The following ELAVL4 variants were observed in gnomAD, a reference collection of about 807,000 sequenced individuals.
ELAVL4 encodes the protein ELAV like RNA binding protein 4.
Under a neutral mutation model 35.6 loss-of-function variants are expected in ELAVL4, and 1 was observed. The observed-to-expected ratio is 0.03, with a 90% CI of 0.01 to 0.13. The LOEUF (loss-of-function observed/expected upper bound fraction) is 0.13. Ranked by LOEUF, ELAVL4 falls within the 10% of genes least tolerant of loss-of-function variation. The probability of loss-of-function intolerance (pLI) is 1.00; values close to 1 mark genes in which losing one functional copy is unlikely to be tolerated. For missense variants in ELAVL4, 267 were observed against 464.9 expected (o/e 0.57, Z 3.91); for synonymous variants, 156 against 171.0 (o/e 0.91, Z 0.69).
chr1:50,060,885 T>C lies in ELAVL4; in HGVS notation c.18+12703T>C, dbSNP rs183682180. Among the ~76,000 whole-genome samples the C allele has an allele frequency of 3.9e-5, 6 of 152,298 alleles. No individual in the cohort carries two copies. The East Asian group carries it at 1.2e-3, about 29-fold the overall frequency. On this transcript the variant is annotated intron_variant, in intron 1 of 6. Transcript: ENST00000448907. ...AGTGCCTTGTAGCACTCAAGCATGA[T>C]TTACATCCCTCATTCAAGATAATTT...
chr1:50,186,926 C>T (rs1209481841), intron 3 of ELAVL4, among the ~76,000 whole-genome samples: 3 of 152,176 alleles, frequency 2.0e-5, no homozygotes, highest in Non-Finnish European at 4.4e-5. Context: ...GTGAACAGGC[C>T]TACAGCCACA....
upstream of ELAVL4, chr1:50,106,187 A>G: frequency 1.3e-6 from 1 of 756,746 alleles, no homozygotes; most frequent in South Asian, 2.1e-5. Flanking sequence ...AGGCTTCTCC[A>G]CTGCGCGGAG....
intron 3 of ELAVL4, 67 bp from the exon 4 acceptor site, chr1:50,193,698 G>A: frequency 6.5e-7 from 1 of 1,541,986 alleles, no homozygotes; most frequent in Non-Finnish European, 8.8e-7. Flanking sequence ...CATCTTGGTT[G>A]TGGACTCAGC....
intron 1 of ELAVL4, among the ~76,000 whole-genome samples, chr1:50,058,455 C>G (rs1663792024): frequency 6.6e-6 from 1 of 151,878 alleles, no homozygotes; most frequent in African/African-American, 2.4e-5. Context: ...TCTATAGCAC[C>G]CTTTCACTTT....
At chr1:50,155,221 T>A (rs571497163) in intron 2 of ELAVL4, among the ~76,000 whole-genome samples, 20 of 132,312 alleles carry the variant, frequency 1.5e-4, no homozygotes, top group African/African-American at 5.8e-4. Flanking sequence ...CCCCTTCCTG[T>A]GTCCATGTGT....
chr1:50,179,183 C>G (rs1429118484), intron 3 of ELAVL4, among the ~76,000 whole-genome samples: 1 of 152,086 alleles, frequency 6.6e-6, no homozygotes, highest in Non-Finnish European at 1.5e-5. Flanking sequence ...CCTCACCCAC[C>G]CTGTATCAAA....
intron 1 of ELAVL4, among the ~76,000 whole-genome samples, chr1:50,060,612 T>TAC (rs1264865144): frequency 1.3e-5 from 2 of 152,206 alleles, no homozygotes; most frequent in Non-Finnish European, 2.9e-5. Flanking sequence ...GAGAAGGTGC[T>TAC]ACACTGGGTC....
At chr1:50,193,659 A>G (rs1683013190) in intron 3 of ELAVL4, 106 bp from the exon 4 acceptor site, 2 of 1,380,154 alleles carry the variant, frequency 1.4e-6, no homozygotes, top group Non-Finnish European at 2.0e-6. Context: ...AACTGACACC[A>G]TGAGTTGTAA....
intron 2 of ELAVL4, among the ~76,000 whole-genome samples, chr1:50,154,381 C>A (rs1675347071): frequency 7.8e-6 from 1 of 128,642 alleles, no homozygotes; most frequent in Non-Finnish European, 1.6e-5. Context: ...ACTTGCTTTC[C>A]ACCTACTTAG....
intron 3 of ELAVL4, among the ~76,000 whole-genome samples, chr1:50,178,706 C>T (rs868688771): frequency 3.9e-5 from 6 of 152,128 alleles, no homozygotes; most frequent in Admixed American, 3.9e-4. Context: ...TAAAAACATA[C>T]CTATTTTCAT....
chr1:50,167,252 A>G (rs1302731054), intron 2 of ELAVL4, among the ~76,000 whole-genome samples: 1 of 152,198 alleles, frequency 6.6e-6, no homozygotes, highest in Non-Finnish European at 1.5e-5. Context: ...ATGATGGGGA[A>G]CATGGTAATA....
chr1:50,084,550 G>A (rs1405941781), intron 1 of ELAVL4, among the ~76,000 whole-genome samples: 1 of 151,966 alleles, frequency 6.6e-6, no homozygotes, highest in East Asian at 1.9e-4. Flanking sequence ...ATATAATATG[G>A]CTCTGCCTCC....
chr1:50,051,930 A>G (rs1431643135), intron 1 of ELAVL4, among the ~76,000 whole-genome samples: 3 of 152,200 alleles, frequency 2.0e-5, no homozygotes, highest in Admixed American at 6.5e-5. Flanking sequence ...CTTGGCTTGT[A>G]AAATGGCTGT....
chr1:50,148,483 C>T (rs755460902), intron 2 of ELAVL4, among the ~76,000 whole-genome samples: 5 of 152,184 alleles, frequency 3.3e-5, no homozygotes, highest in Non-Finnish European at 7.3e-5. Flanking sequence ...CTGAAAATGC[C>T]AGTTTTAAGA....
At chr1:50,144,653 A>T (rs1557775063) in intron 1 of ELAVL4, 1 of 553,176 alleles carries the variant, frequency 1.8e-6, no homozygotes, top group Non-Finnish European at 3.4e-6. Flanking sequence ...GCTTAAGTAT[A>T]CATTTCTGAG....
chr1:50,051,973 T>C (rs1663409600), intron 1 of ELAVL4, among the ~76,000 whole-genome samples: 1 of 152,138 alleles, frequency 6.6e-6, no homozygotes, highest in Non-Finnish European at 1.5e-5. Context: ...CTTTGCTCTG[T>C]TTACGGCCTA....
chr1:50,152,448 T>TCACTCCTCC (rs1178182673), intron 2 of ELAVL4, among the ~76,000 whole-genome samples: 1 of 151,952 alleles, frequency 6.6e-6, no homozygotes, highest in African/African-American at 2.4e-5. Flanking sequence ...ATTCACTCAC[T>TCACTCCTCC]CACTCCTCCC....
intron 1 of ELAVL4, among the ~76,000 whole-genome samples, chr1:50,111,529 G>A (rs1303208319): frequency 2.0e-5 from 3 of 152,000 alleles, no homozygotes; most frequent in Admixed American, 1.3e-4. Flanking sequence ...TAGTTTCAGG[G>A]GAATTCATTG....
intron 1 of ELAVL4, among the ~76,000 whole-genome samples, chr1:50,074,696 G>T (rs1191177210): frequency 6.6e-6 from 1 of 152,202 alleles, no homozygotes; most frequent in East Asian, 1.9e-4. Flanking sequence ...TCATGGTGGA[G>T]CTAAATCTTA....
Sources: gnomAD v4.1 joint callset for allele counts (sites outside exome capture counted in the v4.1 genomes callset) on GRCh38, gnomAD v4.1.1 for gene constraint, MANE v1.5 for transcripts, NCBI Gene and HGNC (gene_info 2026-07-23, HGNC 2026-07-21) for gene names.